The following GLRA3 variants were observed in gnomAD, a reference collection of about 807,000 sequenced individuals.
The protein encoded by GLRA3 is glycine receptor subunit alpha-3.
In GLRA3, 44 loss-of-function variants were observed where a neutral mutation model predicts 60.4. That is an observed-to-expected ratio of 0.73 (90% CI 0.57 to 0.94). GLRA3 has a LOEUF of 0.94. Ranked by LOEUF, GLRA3 falls within the 40% of genes least tolerant of loss-of-function variation. The probability of loss-of-function intolerance (pLI) is 0.00; values close to 1 mark genes in which losing one functional copy is unlikely to be tolerated. For synonymous variants in GLRA3, 223 were observed against 192.9 expected, an observed-to-expected ratio of 1.16 and a Z score of -1.29; for missense variants, 508 against 564.6, an observed-to-expected ratio of 0.90 and a Z score of 1.02.
At chr4:174,746,994 T>C (rs1737278459) in intron 3 of GLRA3, among the ~76,000 whole-genome samples, 1 of 152,230 alleles carries the variant, frequency 6.6e-6, no homozygotes, top group African/African-American at 2.4e-5. Flanking sequence ...AATGAAGTCT[T>C]ACAATTAAAG....
At chr4:174,763,278 A>C (rs1226871117) in intron 3 of GLRA3, among the ~76,000 whole-genome samples, 1 of 152,160 alleles carries the variant, frequency 6.6e-6, no homozygotes, top group African/African-American at 2.4e-5. Context: ...GCTTCCATGT[A>C]ACTGCTACCT....
Position 174,643,483 on chromosome 4 carries a change from G to A in GLRA3, c.*303C>T. The A allele has an allele frequency of 1.1e-6, 1 of 930,508 alleles. No individual in the cohort carries two copies. Among genetic ancestry groups the A allele is most frequent in the South Asian group, 5.1e-5 (1 of 19,488 alleles). 57.6% of individuals were successfully genotyped at this position (930,508 alleles called of 1,614,324 possible). A position where few individuals can be genotyped will look rare whatever the true frequency, so the allele number is the denominator to read the frequency against. ...GTAGTTTTCATGTCTACTATTATGA[G>A]ATATTATATAACATATAAACACATT... On this transcript the variant is annotated 3_prime_UTR_variant, in exon 10 of 10. Coordinates refer to ENST00000274093, the MANE Select transcript of GLRA3 (RefSeq NM_006529.4).
chr4:174,815,667 A>G (rs538489787), intron 1 of GLRA3, among the ~76,000 whole-genome samples: 1 of 152,202 alleles, frequency 6.6e-6, no homozygotes, highest in Non-Finnish European at 1.5e-5. Flanking sequence ...ACAACAGCCC[A>G]AGCTGTACCT....
chr4:174,664,544 G>A (rs1287594956), intron 7 of GLRA3, among the ~76,000 whole-genome samples: 1 of 152,070 alleles, frequency 6.6e-6, no homozygotes, highest in Non-Finnish European at 1.5e-5. Context: ...CAAAGATTCA[G>A]CCCTGTTAAT....
Position 174,683,355 on chromosome 4 carries a change from CT to C in GLRA3, c.575-417del, listed in dbSNP as rs199710009. Among the ~76,000 whole-genome samples the C allele has an allele frequency of 3.2e-3, 474 of 146,412 alleles. 3 individuals carry two copies. Among genetic ancestry groups the C allele is most frequent in the Admixed American group, 2.2e-3 (32 of 14,642 alleles). On this transcript the variant is annotated intron_variant, in intron 5 of 9. Coordinates refer to ENST00000274093, the MANE Select transcript of GLRA3 (RefSeq NM_006529.4). ...GAAATTGTCACTCGTTAGAAAATGA[CT>C]TTTTTTTTTTTTGAGACGGAGTCTC...
intron 3 of GLRA3, among the ~76,000 whole-genome samples, chr4:174,741,531 C>CT (rs963646780): frequency 7.2e-5 from 11 of 151,770 alleles, no homozygotes; most frequent in East Asian, 3.9e-4. Context: ...CAGCATGTAG[C>CT]TTTTTTTTCC....
rs892213504 is a variant in GLRA3, at chr4:174,828,879, A to C, written c.-68T>G. On this transcript the variant is annotated 5_prime_UTR_variant, in exon 1 of 10. Transcript: ENST00000274093. ...AGGCATGGGGAACCAGAAAGACAGA[A>C]TGAAAATGTACAATCTAACCCCGCA... 1.9e-6 allele frequency: 2 copies of C among 1,080,044 alleles called. No individual in the cohort carries two copies. Among genetic ancestry groups the C allele is most frequent in the Admixed American group, 1.7e-5 (1 of 58,986 alleles). 66.9% of individuals were successfully genotyped at this position (1,080,044 alleles called of 1,614,324 possible). A position where few individuals can be genotyped will look rare whatever the true frequency, so the allele number is the denominator to read the frequency against.
intron 5 of GLRA3, among the ~76,000 whole-genome samples, chr4:174,712,965 A>T (rs1349716720): frequency 6.7e-6 from 1 of 149,140 alleles, no homozygotes; most frequent in Non-Finnish European, 1.5e-5. Flanking sequence ...TTCTTAATAT[A>T]TGTATATATT....
chr4:174,772,790 G>T (rs1028322178), intron 2 of GLRA3, among the ~76,000 whole-genome samples: 5 of 152,094 alleles, frequency 3.3e-5, no homozygotes, highest in Admixed American at 6.6e-5. Context: ...GCATGAACAG[G>T]CAAAAGCATA....
At chr4:174,716,980 C>T (rs888198353) in intron 4 of GLRA3, among the ~76,000 whole-genome samples, 9 of 151,848 alleles carry the variant, frequency 5.9e-5, no homozygotes, top group African/African-American at 1.9e-4. Context: ...AAGAGAGGAT[C>T]GCTTGAGCCC....
At chr4:174,773,955 G>A (rs1447870050) in intron 2 of GLRA3, among the ~76,000 whole-genome samples, 1 of 82,230 alleles carries the variant, frequency 1.2e-5, no homozygotes, top group African/African-American at 4.0e-5. Flanking sequence ...TCCGGTGAGA[G>A]AGGAAAATGT....
chr4:174,699,242 T>C (rs1735202093), intron 5 of GLRA3, among the ~76,000 whole-genome samples: 1 of 152,184 alleles, frequency 6.6e-6, no homozygotes, highest in South Asian at 2.1e-4. Context: ...CCTTAGGTCA[T>C]CAACCCGTCT....
chr4:174,759,352 G>A (rs1336868014), intron 3 of GLRA3, among the ~76,000 whole-genome samples: 2 of 151,950 alleles, frequency 1.3e-5, no homozygotes, highest in Non-Finnish European at 2.9e-5. Context: ...AATTTTAAAA[G>A]CCTATTTTAA....
At chr4:174,778,512 C>T (rs1324727956) in intron 2 of GLRA3, among the ~76,000 whole-genome samples, 2 of 152,102 alleles carry the variant, frequency 1.3e-5, no homozygotes, top group African/African-American at 4.8e-5. Flanking sequence ...TCTACAGCTC[C>T]CAGCGTGACC....
chr4:174,824,260 A>G (rs1455508656), intron 1 of GLRA3, among the ~76,000 whole-genome samples: 1 of 152,212 alleles, frequency 6.6e-6, no homozygotes, highest in East Asian at 1.9e-4. Context: ...ATGGTTTCCA[A>G]CTTCTAAAAC....
intron 3 of GLRA3, among the ~76,000 whole-genome samples, chr4:174,766,492 A>G (rs1395777416): frequency 6.6e-6 from 1 of 152,106 alleles, no homozygotes; most frequent in Non-Finnish European, 1.5e-5. Flanking sequence ...TGATTATATA[A>G]AATGTTTTCA....
At chr4:174,648,932 A>G (rs903467928) in intron 9 of GLRA3, among the ~76,000 whole-genome samples, 10 of 152,068 alleles carry the variant, frequency 6.6e-5, no homozygotes, top group Admixed American at 5.2e-4. Context: ...ATCTGTTCCA[A>G]TTTTGGCAGC....
chr4:174,675,164 T>A (rs961309624), intron 7 of GLRA3, among the ~76,000 whole-genome samples: 1 of 152,150 alleles, frequency 6.6e-6, no homozygotes, highest in Non-Finnish European at 1.5e-5. Context: ...CATTTTTAGA[T>A]GTCATTGTCT....
intron 6 of GLRA3, among the ~76,000 whole-genome samples, chr4:174,678,686 CAT>C (rs1279919701): frequency 6.6e-6 from 1 of 152,112 alleles, no homozygotes; most frequent in Non-Finnish European, 1.5e-5. Context: ...CAATCAGAAA[CAT>C]ATGTGCAAAC....
Sources: allele counts gnomAD v4.1 joint callset (sites outside exome capture counted in the v4.1 genomes callset), GRCh38; gene constraint gnomAD v4.1.1; transcripts MANE v1.5; gene names NCBI Gene and HGNC (gene_info 2026-07-23, HGNC 2026-07-21).